CEP85L: variants seen among roughly 807,000 people sequenced by gnomAD.
The protein encoded by CEP85L is centrosomal protein of 85 kDa-like.
Under a neutral mutation model 100.3 loss-of-function variants are expected in CEP85L, and 60 were observed. That is an observed-to-expected ratio of 0.60 (90% CI 0.49 to 0.74). The LOEUF is 0.74. Among genes scored for constraint, CEP85L ranks in the 30% least tolerant of loss-of-function variants. The pLI, the probability that CEP85L is intolerant of heterozygous loss-of-function variation, is 0.00. For synonymous variants in CEP85L, 319 were observed against 322.7 expected (o/e 0.99, Z 0.12); for missense variants, 973 against 936.2 (o/e 1.04, Z -0.51).
chr6:118,660,885 C>CAGAATTTTCTTTTTTTCT (rs1775949382), intron 1 of CEP85L, among the ~76,000 whole-genome samples: 1 of 149,600 alleles, frequency 6.7e-6, no homozygotes, highest in Non-Finnish European at 1.5e-5. Flanking sequence ...TTCTTTTTTT[C>CAGAATTTTCTTTTTTTCT]TTTTTTTTTT....
chr6:118,502,552 C>T (rs1775375017), intron 5 of CEP85L: 3 of 477,804 alleles, frequency 6.3e-6, no homozygotes, highest in African/African-American at 2.0e-5. Context: ...AGGCTCATGG[C>T]ACTGAAAGCA....
intron 1 of CEP85L, among the ~76,000 whole-genome samples, chr6:118,698,694 C>T (rs537082020): frequency 1.1e-3 from 168 of 152,194 alleles, no homozygotes; most frequent in Non-Finnish European, 1.9e-3. Context: ...CTAGAATTAT[C>T]TAAGACTGAT....
intron 1 of CEP85L, among the ~76,000 whole-genome samples, chr6:118,684,509 T>TA (rs1043004855): frequency 9.2e-5 from 14 of 152,176 alleles, no homozygotes; most frequent in African/African-American, 3.4e-4. Flanking sequence ...GACCTGTTTC[T>TA]AAAAAAGAAA....
chr6:118,524,908 C>T (rs191875679), intron 3 of CEP85L, among the ~76,000 whole-genome samples: 17 of 152,256 alleles, frequency 1.1e-4, no homozygotes, highest in African/African-American at 3.9e-4. Context: ...CTGCCTTATG[C>T]GGGGGAGGAG....
rs542707531 is a variant in CEP85L at position 118,557,979 on chromosome 6, T to C, written c.1020+7550A>G. On this transcript the variant is annotated intron_variant, in intron 3 of 12. Coordinates refer to ENST00000368491, the MANE Select transcript of CEP85L (RefSeq NM_001042475.3). Reference sequence around the variant, plus strand: ...ATCTTTGTTGGCTTTTTTTTTTTTTTCCTGGGACAGAGTTTTGCTCTGTCA... The same window carrying C: ...ATCTTTGTTGGCTTTTTTTTTTTTTCCCTGGGACAGAGTTTTGCTCTGTCA... 1.3e-4 allele frequency among the ~76,000 whole-genome samples: 20 copies of C among 151,912 alleles called. No individual in the cohort carries two copies. The South Asian group carries it at 1.5e-3, about 11-fold the overall frequency.
chr6:118,651,053 G>A (rs1775520209), intron 1 of CEP85L, 144 bp downstream of exon 1: 3 of 1,271,400 alleles, frequency 2.4e-6, no homozygotes, highest in Admixed American at 4.1e-5. Flanking sequence ...GCTGACAGCG[G>A]GGAGGACACT....
Position 118,565,554 on chromosome 6 carries a change from CG to C in CEP85L, c.994del (p.Arg332AspfsTer11). ...CTGCATTGGTGTTTCACTTCCTTGT[CG>C]AAAGTCTTCAATTTGCTGCTGTTGC... ...PWQQQQIEDF[R>X]QGSETPMQVL... On this transcript the variant is annotated frameshift_variant, in exon 3 of 13. Coordinates refer to ENST00000368491, the MANE Select transcript of CEP85L (RefSeq NM_001042475.3). LOFTEE classifies it high-confidence loss of function. The C allele has an allele frequency of 6.2e-7, 1 of 1,614,120 alleles. No individual in the cohort carries two copies. The highest frequency in any genetic ancestry group is 8.5e-7 in the Non-Finnish European group (1 of 1,180,020).
At chr6:118,472,064 CGAG>C (rs1247766271) in intron 10 of CEP85L, among the ~76,000 whole-genome samples, 6 of 151,272 alleles carry the variant, frequency 4.0e-5, no homozygotes, top group African/African-American at 7.3e-5. Flanking sequence ...AAACTAAACT[CGAG>C]GGGTGTTTTC....
intron 2 of CEP85L, among the ~76,000 whole-genome samples, chr6:118,612,623 T>C (rs574432383): frequency 8.3e-6 from 1 of 120,404 alleles, no homozygotes; most frequent in Non-Finnish European, 1.6e-5. Flanking sequence ...ACTGCACCAC[T>C]GCACTCTAGC....
intron 4 of CEP85L, among the ~76,000 whole-genome samples, chr6:118,517,752 G>T (rs1336129693): frequency 3.3e-5 from 5 of 152,166 alleles, no homozygotes; most frequent in Admixed American, 3.3e-4. Context: ...TGATGGCCCT[G>T]GCCAGAACTT....
upstream of CEP85L, among the ~76,000 whole-genome samples, chr6:118,653,172 T>C (rs954783730): frequency 2.0e-5 from 3 of 152,236 alleles, no homozygotes; most frequent in African/African-American, 7.2e-5. Flanking sequence ...TTTCTACATC[T>C]TTTTATCAAT....
At chr6:118,484,337 A>C (rs1252890703) in intron 6 of CEP85L, among the ~76,000 whole-genome samples, 1 of 152,186 alleles carries the variant, frequency 6.6e-6, no homozygotes, top group East Asian at 1.9e-4. Flanking sequence ...ACAAACAAAA[A>C]AAGATTTACA....
intron 12 of CEP85L, among the ~76,000 whole-genome samples, chr6:118,466,935 C>CA (rs1330457525): frequency 6.6e-6 from 1 of 152,054 alleles, no homozygotes; most frequent in Non-Finnish European, 1.5e-5. Context: ...AAGCAGATGA[C>CA]AGAACTGATA....
chr6:118,690,627 T>A (rs1259176124), intron 1 of CEP85L, among the ~76,000 whole-genome samples: 1 of 152,246 alleles, frequency 6.6e-6, no homozygotes, highest in East Asian at 1.9e-4. Flanking sequence ...ATTGCTCTAG[T>A]TAAACATAAA....
At chr6:118,606,297 A>G (rs1319170642) in intron 2 of CEP85L, among the ~76,000 whole-genome samples, 1 of 152,188 alleles carries the variant, frequency 6.6e-6, no homozygotes, top group African/African-American at 2.4e-5. Context: ...AGGTGCTGAG[A>G]GAAAGGAAAA....
At chr6:118,702,658 G>C (rs1777451932) in intron 1 of CEP85L, among the ~76,000 whole-genome samples, 1 of 152,128 alleles carries the variant, frequency 6.6e-6, no homozygotes, top group South Asian at 2.1e-4. Context: ...TCCAAGTCTG[G>C]TGAATTTAAA....
intron 2 of CEP85L, among the ~76,000 whole-genome samples, chr6:118,580,903 G>A (rs1023132711): frequency 1.1e-4 from 16 of 152,150 alleles, no homozygotes; most frequent in Non-Finnish European, 1.6e-4. Flanking sequence ...GGGTTCCTCC[G>A]GGACAGTGAG....
chr6:118,687,470 C>A (rs1776872747), intron 1 of CEP85L, among the ~76,000 whole-genome samples: 1 of 152,198 alleles, frequency 6.6e-6, no homozygotes, highest in Non-Finnish European at 1.5e-5. Context: ...AAACACGGGG[C>A]TTGCAACTTA....
chr6:118,470,474 TATAAA>T (rs1182218406), intron 11 of CEP85L, 58 bp downstream of exon 11: 2 of 903,410 alleles, frequency 2.2e-6, no homozygotes, highest in Admixed American at 2.6e-5. Flanking sequence ...TATTAATATC[TATAAA>T]ATAAGCATTT....
Sources: gnomAD v4.1 joint callset for allele counts (sites outside exome capture counted in the v4.1 genomes callset) on GRCh38, gnomAD v4.1.1 for gene constraint, MANE v1.5 for transcripts, NCBI Gene and HGNC (gene_info 2026-07-23, HGNC 2026-07-21) for gene names.